PRUNE1: variants seen among roughly 807,000 people sequenced by gnomAD.
PRUNE1 encodes prune exopolyphosphatase 1.
A neutral mutation model predicts 42.5 loss-of-function variants in PRUNE1; 25 were observed. The ratio of observed to expected loss-of-function variants is 0.59; its 90% CI spans 0.43 to 0.82. The LOEUF (loss-of-function observed/expected upper bound fraction) is 0.82. Ranked by LOEUF, PRUNE1 falls within the 40% of genes least tolerant of loss-of-function variation. The probability of loss-of-function intolerance (pLI) is 0.00; values close to 1 mark genes in which losing one functional copy is unlikely to be tolerated. For missense variants in PRUNE1, 443 were observed against 539.3 expected (o/e 0.82, Z 1.77); for synonymous variants, 203 against 217.1 (o/e 0.93, Z 0.57).
intron 3 of PRUNE1, among the ~76,000 whole-genome samples, chr1:151,024,186 CAA>C (rs34553676): frequency 0.18 from 20,067 of 108,584 alleles, 1,645 homozygotes; most frequent in East Asian, 0.48. Flanking sequence ...GACTCCGTCT[CAA>C]AAAAAAAAAA....
intron 7 of PRUNE1, among the ~76,000 whole-genome samples, chr1:151,031,193 G>GT (rs777752037): frequency 0.022 from 2,569 of 119,476 alleles, 106 homozygotes; most frequent in African/African-American, 0.072. Context: ...GTGTGTGTGT[G>GT]TTTTTTTTTT....
At position 151,017,775 on chromosome 1, in the gene PRUNE1, A is replaced by T. The variant is rs759677126; in HGVS notation, c.40-37A>T. ...AAAAGATAAGTGGAAATGAATAGAGATACTTTTGTTAGTTTCCCATTTTCC... is the reference window on the plus strand; with the variant it reads ...AAAAGATAAGTGGAAATGAATAGAGTTACTTTTGTTAGTTTCCCATTTTCC... On this transcript the variant is annotated intron_variant, in intron 1 of 7. Transcript: ENST00000271620. The T allele has an allele frequency of 4.6e-6, 6 of 1,297,088 alleles. No homozygotes were observed. In the Admixed American group the frequency reaches 1.2e-4, roughly 26 times the overall value. The allele number at this position is 1,297,088 out of a possible 1,614,324, so 80.3% of individuals were successfully genotyped here.
chr1:151,017,717 C>A, intron 1 of PRUNE1, 95 bp from the exon 2 acceptor site: 2 of 707,840 alleles, frequency 2.8e-6, no homozygotes, highest in Non-Finnish European at 4.3e-6. Context: ...CAGAGTGAGA[C>A]CTGTCTCAAA....
In PRUNE1 at chr1:151,013,496, G is replaced by A. The variant is rs148385434; in HGVS notation, c.40-4316G>A. ...TTTGGTCCCTACTTTGTGCTTTTCTGCTTAGCATTCTCTTCATGGTAAGGA... is the reference window on the plus strand; with the variant it reads ...TTTGGTCCCTACTTTGTGCTTTTCTACTTAGCATTCTCTTCATGGTAAGGA... On this transcript the variant is annotated intron_variant, in intron 1 of 7. Transcript: ENST00000271620. 6.6e-4 allele frequency among the ~76,000 whole-genome samples: 101 copies of A among 152,260 alleles called. 1 individual carries two copies. The Middle Eastern group carries it at 0.031, about 46-fold the overall frequency.
chr1:151,027,187 C>A lies in PRUNE1; in HGVS notation c.680-46C>A, dbSNP rs1004561147. The A allele has an allele frequency of 2.1e-6, 3 of 1,441,946 alleles. No homozygotes were observed. In the African/African-American group the frequency reaches 4.2e-5, roughly 20 times the overall value. The allele number at this position is 1,441,946 out of a possible 1,614,324, so 89.3% of individuals were successfully genotyped here. On this transcript the variant is annotated intron_variant, in intron 5 of 7. Transcript: ENST00000271620. Reference sequence around the variant, plus strand: ...TGTCCTTGCCTTCTTGGTCTTGGGACCCTGGCCTACCCTGTTTGACCCCTA... The same window carrying A: ...TGTCCTTGCCTTCTTGGTCTTGGGAACCTGGCCTACCCTGTTTGACCCCTA...
At chr1:151,015,689 A>G (rs1674066609) in intron 1 of PRUNE1, among the ~76,000 whole-genome samples, 2 of 150,406 alleles carry the variant, frequency 1.3e-5, no homozygotes, top group South Asian at 4.2e-4. Flanking sequence ...CTGTAGTCCC[A>G]GCTACTCAGG....
At chr1:151,016,256 GTA>G (rs1459318477) in intron 1 of PRUNE1, among the ~76,000 whole-genome samples, 1 of 151,988 alleles carries the variant, frequency 6.6e-6, no homozygotes, top group East Asian at 1.9e-4. Flanking sequence ...AAGTAAGCAG[GTA>G]AGACAGAAGT....
At chr1:151,010,758 C>T (rs1268863603) in intron 1 of PRUNE1, among the ~76,000 whole-genome samples, 2 of 149,676 alleles carry the variant, frequency 1.3e-5, no homozygotes, top group Non-Finnish European at 3.0e-5. Context: ...CGAATTCAAG[C>T]GATTCTTCTG....
In PRUNE1 at chr1:151,008,911, C is replaced by T. The variant is rs587700747; in HGVS notation, c.39+240C>T. On this transcript the variant is annotated intron_variant, in intron 1 of 7. Coordinates refer to ENST00000271620, the MANE Select transcript of PRUNE1 (RefSeq NM_021222.3). ...TTGGCTCCCCGCCTTTGGGGTCCGC[C>T]TGAGAGCGGGGAGAAGTCTTGGGTC... is the stretch of plus-strand genomic sequence containing the variant. The T allele has an allele frequency of 7.3e-4, 487 of 668,560 alleles. 1 individual carries two copies. The African/African-American group carries it at 7.9e-3, about 11-fold the overall frequency. 41.4% of individuals were successfully genotyped at this position (668,560 alleles called of 1,614,324 possible).
chr1:151,010,064 G>C (rs1673665087), intron 1 of PRUNE1, among the ~76,000 whole-genome samples: 1 of 152,016 alleles, frequency 6.6e-6, no homozygotes, highest in Non-Finnish European at 1.5e-5. Context: ...AGCCTCCCCC[G>C]ACCCCCAGGT....
intron 7 of PRUNE1, among the ~76,000 whole-genome samples, chr1:151,029,409 C>T (rs1368938480): frequency 6.8e-6 from 1 of 147,844 alleles, no homozygotes; most frequent in Non-Finnish European, 1.5e-5. Context: ...GTGCTGTTGC[C>T]CAGGCTGGGG....
intron 1 of PRUNE1, among the ~76,000 whole-genome samples, chr1:151,010,734 C>T (rs1306429593): frequency 6.8e-6 from 1 of 147,528 alleles, no homozygotes; most frequent in Non-Finnish European, 1.5e-5. Flanking sequence ...AGGCTCACTG[C>T]AACCTCCACT....
chr1:151,020,756 C>A (rs1440463353), intron 3 of PRUNE1, among the ~76,000 whole-genome samples: 1 of 151,008 alleles, frequency 6.6e-6, no homozygotes, highest in East Asian at 2.0e-4. Context: ...CTGAGGGGGG[C>A]GGATCATGAG....
chr1:151,018,386 C>A, intron 2 of PRUNE1, 81 bp from the exon 3 acceptor site: 5 of 1,198,234 alleles, frequency 4.2e-6, no homozygotes, highest in African/African-American at 1.5e-5. Context: ...CTAAGTATGT[C>A]TCCTTTGGTC....
At chr1:151,031,157 TC>T (rs1354977316) in intron 7 of PRUNE1, among the ~76,000 whole-genome samples, 3 of 151,424 alleles carry the variant, frequency 2.0e-5, no homozygotes, top group Non-Finnish European at 1.5e-5. Flanking sequence ...CAGGAGTCCT[TC>T]TCTCTCTGTT....
chr1:151,028,312 T>C (rs2102936051), intron 6 of PRUNE1, among the ~76,000 whole-genome samples: 1 of 152,304 alleles, frequency 6.6e-6, no homozygotes, highest in African/African-American at 2.4e-5. Flanking sequence ...TGATCTCAGC[T>C]CACTGCAACC....
chr1:151,012,166 CT>C (rs1199831258), intron 1 of PRUNE1, among the ~76,000 whole-genome samples: 1 of 151,696 alleles, frequency 6.6e-6, no homozygotes, highest in East Asian at 1.9e-4. Context: ...CCATTGGCAG[CT>C]TAGATTTCCT....
intron 1 of PRUNE1, among the ~76,000 whole-genome samples, chr1:151,015,663 G>T (rs1356068219): frequency 6.6e-6 from 1 of 150,486 alleles, no homozygotes; most frequent in South Asian, 2.1e-4. Flanking sequence ...AATTAGTCGG[G>T]CATGGTGGCG....
Position 151,034,278 on chromosome 1 carries a change from C to T in PRUNE1, c.*44C>T, listed in dbSNP as rs1275687166. On this transcript the variant is annotated 3_prime_UTR_variant, in exon 8 of 8. Coordinates refer to ENST00000271620, the MANE Select transcript of PRUNE1 (RefSeq NM_021222.3). ...GTAGTGGGTGAGGCTACCTGACTCA[C>T]TTCAAATGCATGTTTTGAGATGTTT... 1.9e-6 allele frequency: 3 copies of T among 1,554,422 alleles called. No homozygotes were observed. Among genetic ancestry groups the T allele is most frequent in the Non-Finnish European group, 2.6e-6 (3 of 1,138,974 alleles).
Sources: gnomAD v4.1 joint callset for allele counts (sites outside exome capture counted in the v4.1 genomes callset) on GRCh38, gnomAD v4.1.1 for gene constraint, MANE v1.5 for transcripts, NCBI Gene and HGNC (gene_info 2026-07-23, HGNC 2026-07-21) for gene names.